SERPINB7: variants seen among roughly 807,000 people sequenced by gnomAD.
The protein encoded by SERPINB7 is serpin family B member 7, also known as serpin B7.
SERPINB7 carries 31 observed loss-of-function variants against 37.4 expected under a neutral mutation model. That is an observed-to-expected ratio of 0.83 (90% CI 0.62 to 1.12). The LOEUF is 1.12. SERPINB7 is among the 50% of genes most tolerant of loss of function. SERPINB7 has a pLI of 0.00. For synonymous variants in SERPINB7, 163 were observed against 166.1 expected (o/e 0.98, Z 0.14); for missense variants, 521 against 455.3 (o/e 1.14, Z -1.31).
At chr18:63,782,589 A>T (rs1339259297) in intron 2 of SERPINB7, 49 bp downstream of exon 2, 2 of 1,526,614 alleles carry the variant, frequency 1.3e-6, no homozygotes, top group Non-Finnish European at 1.8e-6. Context: ...TGTTTTTCCC[A>T]CGAGAACATT....
At chr18:63,803,368 A>G (rs2049570445) in intron 7 of SERPINB7, among the ~76,000 whole-genome samples, 1 of 152,196 alleles carries the variant, frequency 6.6e-6, no homozygotes, top group South Asian at 2.1e-4. Context: ...ATAAGAATAC[A>G]AGTTAAATTT....
At chr18:63,772,604 T>C (rs1347363561), upstream of SERPINB7, among the ~76,000 whole-genome samples, 2 of 152,116 alleles carry the variant, frequency 1.3e-5, no homozygotes, top group African/African-American at 4.8e-5. Context: ...CTTTGGGAAG[T>C]TGAAATCCTG....
intron 1 of SERPINB7, among the ~76,000 whole-genome samples, chr18:63,763,236 C>A (rs2049163879): frequency 1.3e-5 from 2 of 152,104 alleles, no homozygotes; most frequent in African/African-American, 2.4e-5. Context: ...ATATCTCTAC[C>A]ATGTTTTGTG....
rs1354149163 is a variant in SERPINB7, at chr18:63,783,214, G to GAA, written c.168+675_168+676insAA. Among the ~76,000 whole-genome samples, 127 of 69,976 alleles carry GAA rather than the reference G, an allele frequency of 1.8e-3. 1 individual carries two copies. Among genetic ancestry groups the GAA allele is most frequent in the African/African-American group, 6.7e-3 (121 of 18,026 alleles). The allele number at this position is 69,976 out of a possible 152,430, so 45.9% of individuals were successfully genotyped here. A position where few individuals can be genotyped will look rare whatever the true frequency, so the allele number is the denominator to read the frequency against. ...AGAGAGAGAGAGAGAGAGAGAGAGA[G>GAA]AGAGAGAGAGAGAGAGAGAGAAAGA... is the stretch of plus-strand genomic sequence containing the variant. On this transcript the variant is annotated intron_variant, in intron 2 of 7. Transcript: ENST00000398019.
At chr18:63,772,399 T>C (rs2049216484), upstream of SERPINB7, among the ~76,000 whole-genome samples, 1 of 152,068 alleles carries the variant, frequency 6.6e-6, no homozygotes, top group South Asian at 2.1e-4. Context: ...ACAATAATTT[T>C]AAAGGATAAG....
In SERPINB7 at chr18:63,800,934, A is replaced by G; in HGVS notation, c.666A>G (p.Pro222=). The change falls in exon 7 of 8, where the codon CCA becomes CCG. Residue 222 remains proline, a synonymous_variant. Transcript: ENST00000398019. ...TCAATTTGTCTGTTATTGAGGACCC[A>G]TCAATGAAGATTCTTGAGCTCAGAT... ...RKFNLSVIED[P]SMKILELRYN... is the part of the protein sequence containing the mutation. The G allele has an allele frequency of 6.2e-7, 1 of 1,613,876 alleles. No individual in the cohort carries two copies. The highest frequency in any genetic ancestry group is 8.5e-7 in the Non-Finnish European group (1 of 1,179,760).
At chr18:63,788,532 A>G (rs1440115791) in intron 2 of SERPINB7, among the ~76,000 whole-genome samples, 1 of 152,192 alleles carries the variant, frequency 6.6e-6, no homozygotes, top group Non-Finnish European at 1.5e-5. Context: ...GCCAAAGTTA[A>G]CTTATTACTG....
At chr18:63,766,502 A>G (rs1444948951) in intron 1 of SERPINB7, among the ~76,000 whole-genome samples, 3 of 152,154 alleles carry the variant, frequency 2.0e-5, no homozygotes, top group Non-Finnish European at 2.9e-5. Context: ...CTTACTGAGA[A>G]TCGTGGCATA....
At chr18:63,791,832 G>T (rs185683389) in intron 2 of SERPINB7, among the ~76,000 whole-genome samples, 2 of 152,100 alleles carry the variant, frequency 1.3e-5, no homozygotes, top group South Asian at 2.1e-4. Flanking sequence ...GGATGGTCTC[G>T]ATCTCCTGAC....
chr18:63,765,606 T>C (rs2049176639), intron 1 of SERPINB7, among the ~76,000 whole-genome samples: 1 of 152,150 alleles, frequency 6.6e-6, no homozygotes, highest in South Asian at 2.1e-4. Flanking sequence ...TCCCTGGTTT[T>C]CCTCATCCTA....
intron 2 of SERPINB7, among the ~76,000 whole-genome samples, chr18:63,786,929 C>T (rs993241673): frequency 3.9e-5 from 6 of 152,138 alleles, no homozygotes; most frequent in Non-Finnish European, 8.8e-5. Flanking sequence ...ATCTAAAATG[C>T]CTGGGACCAA....
chr18:63,765,924 G>C (rs751614068), intron 1 of SERPINB7, among the ~76,000 whole-genome samples: 1 of 152,154 alleles, frequency 6.6e-6, no homozygotes, highest in African/African-American at 2.4e-5. Flanking sequence ...AGTTAGGTAA[G>C]GGGTTGCTGG....
At chr18:63,759,111 T>C (rs2049138216) in intron 1 of SERPINB7, among the ~76,000 whole-genome samples, 2 of 152,216 alleles carry the variant, frequency 1.3e-5, no homozygotes, top group African/African-American at 4.8e-5. Context: ...GGCTTCATGG[T>C]CTATCCTATT....
At chr18:63,797,351 A>T (rs1406190009) in intron 5 of SERPINB7, among the ~76,000 whole-genome samples, 1 of 152,156 alleles carries the variant, frequency 6.6e-6, no homozygotes, top group Non-Finnish European at 1.5e-5. Flanking sequence ...ATTCCTCATT[A>T]TATTCATAGT....
At chr18:63,759,416 A>G (rs1327937130) in intron 1 of SERPINB7, among the ~76,000 whole-genome samples, 1 of 152,222 alleles carries the variant, frequency 6.6e-6, no homozygotes, top group East Asian at 1.9e-4. Flanking sequence ...GAGAGCACAC[A>G]GGCCTCTCTG....
At chr18:63,788,181 G>A (rs2049391972) in intron 2 of SERPINB7, among the ~76,000 whole-genome samples, 1 of 152,204 alleles carries the variant, frequency 6.6e-6, no homozygotes, top group South Asian at 2.1e-4. Flanking sequence ...CTTCAGGAGT[G>A]ATTCCAGAAG....
intron 1 of SERPINB7, among the ~76,000 whole-genome samples, chr18:63,768,140 A>G (rs2049190667): frequency 6.6e-6 from 1 of 151,704 alleles, no homozygotes. Flanking sequence ...GATTTTCTGT[A>G]TTGTTTTTAT....
intron 4 of SERPINB7, among the ~76,000 whole-genome samples, chr18:63,794,625 G>T (rs1217929479): frequency 3.3e-5 from 5 of 152,174 alleles, no homozygotes; most frequent in Non-Finnish European, 7.3e-5. Context: ...AGGAGGCGGA[G>T]CTTGCAGTGA....
chr18:63,761,717 G>T (rs916888036), intron 1 of SERPINB7, among the ~76,000 whole-genome samples: 2 of 152,178 alleles, frequency 1.3e-5, no homozygotes. Context: ...TTTATCAGGG[G>T]TTTCCGCTTT....
Sources: gnomAD v4.1 joint callset for allele counts (sites outside exome capture counted in the v4.1 genomes callset) on GRCh38, gnomAD v4.1.1 for gene constraint, MANE v1.5 for transcripts, NCBI Gene and HGNC (gene_info 2026-07-23, HGNC 2026-07-21) for gene names.